Variants in CACNA1A observed in about 807,000 individuals in gnomAD.
CACNA1A encodes voltage-dependent P/Q-type calcium channel subunit alpha-1A.
A neutral mutation model predicts 262.4 loss-of-function variants in CACNA1A; 57 were observed. That is an observed-to-expected ratio of 0.22 (90% CI 0.18 to 0.27). The LOEUF is 0.27. Among genes scored for constraint, CACNA1A ranks in the 10% least tolerant of loss-of-function variants. The pLI, the probability that CACNA1A is intolerant of heterozygous loss-of-function variation, is 1.00. For synonymous variants in CACNA1A, 1,431 were observed against 1,419.3 expected (o/e 1.01, Z -0.18); for missense variants, 2,526 against 3,562.8 (o/e 0.71, Z 7.41).
chr19:13,360,676 C>T (rs2059093925), intron 5 of CACNA1A, among the ~76,000 whole-genome samples: 1 of 152,058 alleles, frequency 6.6e-6, no homozygotes, highest in Admixed American at 6.6e-5. Flanking sequence ...TGGGGTTTCA[C>T]CATGTTGGCC....
intron 3 of CACNA1A, among the ~76,000 whole-genome samples, chr19:13,397,131 GGAGGAATGAATGGTTCAT>G (rs1241258624): frequency 1.3e-5 from 2 of 152,108 alleles, no homozygotes; most frequent in African/African-American, 4.8e-5. Context: ...GTATGAGGTG[GGAGGAATGAATGGTTCAT>G]GAAAGCTGCC....
chr19:13,384,526 C>T (rs1163518143), intron 3 of CACNA1A, among the ~76,000 whole-genome samples: 3 of 152,132 alleles, frequency 2.0e-5, no homozygotes, highest in South Asian at 4.1e-4. Context: ...GGCAAAACTC[C>T]GTCTCTACCA....
Position 13,241,310 on chromosome 19 carries a change from C to G in CACNA1A, c.4950+3872G>C, listed in dbSNP as rs1304126384. Among the ~76,000 whole-genome samples the G allele has an allele frequency of 1.3e-5, 2 of 152,026 alleles. No individual in the cohort carries two copies. The highest frequency in any genetic ancestry group is 2.9e-5 in the Non-Finnish European group (2 of 68,012). Reference sequence around the variant, plus strand: ...CCAAACAGAAAACCCCCATTCAGAACCCGATAAAAACAGAGAGACAGAGTC... The same window carrying G: ...CCAAACAGAAAACCCCCATTCAGAAGCCGATAAAAACAGAGAGACAGAGTC... On this transcript the variant is annotated intron_variant, in intron 31 of 46. Transcript: ENST00000360228. This position sits in a 1 kb window ranked among gnomAD's most constrained non-coding sequence, Gnocchi z 4.0.
At position 13,212,601 on chromosome 19, in the gene CACNA1A, C is replaced by T. The variant is rs1427559370; in HGVS notation, c.6050+30G>A. The T allele has an allele frequency of 2.7e-6, 4 of 1,507,460 alleles. No homozygotes were observed. Among genetic ancestry groups the T allele is most frequent in the South Asian group, 2.6e-5 (2 of 76,096 alleles). 93.4% of individuals were successfully genotyped at this position (1,507,460 alleles called of 1,614,324 possible). A position where few individuals can be genotyped will look rare whatever the true frequency, so the allele number is the denominator to read the frequency against. ...ACGTGGGGACCACGGCACCCCCACA[C>T]TCCACCTCCCTGGCAGGGGTGACAC... is the stretch of plus-strand genomic sequence containing the variant. On this transcript the variant is annotated intron_variant, in intron 41 of 46. Coordinates refer to ENST00000360228, the MANE Select transcript of CACNA1A (RefSeq NM_001127222.2). The surrounding 1 kb of genome is among the most constrained non-coding windows in gnomAD (Gnocchi z 5.6).
rs115795958 is a variant in CACNA1A at position 13,236,185 on chromosome 19, C to T, written c.4951-455G>A. On this transcript the variant is annotated intron_variant, in intron 31 of 46. Transcript: ENST00000360228. The surrounding 1 kb of genome is among the most constrained non-coding windows in gnomAD (Gnocchi z 4.6). ...AAGCCGGTCAAGTTGCGGAATCTAT[C>T]ATACGTGTACGATGCACAAACACCA... Among the ~76,000 whole-genome samples, 657 of 149,872 alleles carry T rather than the reference C, an allele frequency of 4.4e-3. 3 individuals are homozygous for T. The highest frequency in any genetic ancestry group is 0.015 in the African/African-American group (625 of 40,604).
intron 28 of CACNA1A, among the ~76,000 whole-genome samples, chr19:13,255,678 C>CTCCTTCCT (rs1350428703): frequency 7.4e-6 from 1 of 135,926 alleles, no homozygotes; most frequent in Non-Finnish European, 1.6e-5. Context: ...CGCTCCCTCC[C>CTCCTTCCT]TCCTTCCTTC....
intron 10 of CACNA1A, among the ~76,000 whole-genome samples, chr19:13,323,206 C>G (rs1364329699): frequency 6.6e-6 from 1 of 152,178 alleles, no homozygotes; most frequent in Non-Finnish European, 1.5e-5. Flanking sequence ...TTGCAGTGAG[C>G]TGAGATCACA....
intron 3 of CACNA1A, among the ~76,000 whole-genome samples, chr19:13,374,800 G>A (rs1026341093): frequency 1.3e-5 from 2 of 152,062 alleles, no homozygotes; most frequent in African/African-American, 2.4e-5. Context: ...TCTGTGTGGG[G>A]GAGACTGAGA....
chr19:13,356,855 C>T (rs537089551), intron 6 of CACNA1A, among the ~76,000 whole-genome samples: 7 of 152,272 alleles, frequency 4.6e-5, no homozygotes, highest in Admixed American at 3.3e-4. Flanking sequence ...TTGGGCTGAC[C>T]CTTTGTCCAA....
At chr19:13,219,016 A>G (rs9797762) in intron 38 of CACNA1A, among the ~76,000 whole-genome samples, 145,210 of 151,266 alleles carry the variant, frequency 0.96, 69,713 homozygotes, top group African/African-American at 0.98. Flanking sequence ...TTACAGGCGT[A>G]AGCCACCATG....
rs547500668 is a variant in CACNA1A at position 13,413,553 on chromosome 19, C to T, written c.539+39323G>A. On this transcript the variant is annotated intron_variant, in intron 3 of 46. Transcript: ENST00000360228. ...TGCCACTGCACTCTGGCCTGAGTGACAGAGCAAGGTCCTGTCTTAAAAAAA... is the reference window on the plus strand; with the variant it reads ...TGCCACTGCACTCTGGCCTGAGTGATAGAGCAAGGTCCTGTCTTAAAAAAA... 7.0e-4 allele frequency among the ~76,000 whole-genome samples: 80 copies of T among 114,210 alleles called. 1 individual carries two copies. The highest frequency in any genetic ancestry group is 2.6e-3 in the African/African-American group (75 of 28,878). The allele number at this position is 114,210 out of a possible 152,430, so 74.9% of individuals were successfully genotyped here. A position where few individuals can be genotyped will look rare whatever the true frequency, so the allele number is the denominator to read the frequency against.
At chr19:13,333,572 T>A (rs1350004664) in intron 8 of CACNA1A, 2 of 152,472 alleles carry the variant, frequency 1.3e-5, no homozygotes, top group African/African-American at 4.8e-5. Flanking sequence ...GTAGCTGGGA[T>A]TACAGGCGTG....
At chr19:13,474,874 C>T (rs979418123) in intron 1 of CACNA1A, among the ~76,000 whole-genome samples, 4 of 151,454 alleles carry the variant, frequency 2.6e-5, no homozygotes, top group Non-Finnish European at 4.4e-5. Flanking sequence ...TTAGCAGACA[C>T]TAAGTGACCA....
chr19:13,432,103 C>CAAAAA (rs71170513), intron 3 of CACNA1A, among the ~76,000 whole-genome samples: 168 of 64,326 alleles, frequency 2.6e-3, no homozygotes, highest in Middle Eastern at 0.012. Context: ...GACTCCGTCT[C>CAAAAA]AAAAAAAAAA....
rs1326384015 is a variant in CACNA1A, at chr19:13,371,710, G to A, written c.609C>T (p.Leu203=). 6.3e-7 allele frequency: 1 copy of A among 1,578,686 alleles called. No individual in the cohort carries two copies. The highest frequency in any genetic ancestry group is 2.3e-5 in the East Asian group (1 of 42,916). The change falls in exon 4 of 47, where the codon CTC becomes CTT. Residue 203 remains leucine (L), a synonymous_variant. Transcript: ENST00000360228. ...CACTTGGGATTCCAGACACCAGCTT[G>A]AGCGGCCGCAGCACTCGAACTGCCC... ...TLRAVRVLRP[L]KLVSGIPSLQ...
chr19:13,283,534 C>G, intron 21 of CACNA1A, 138 bp from the exon 22 acceptor site: 1 of 1,129,404 alleles, frequency 8.9e-7, no homozygotes, highest in Non-Finnish European at 1.2e-6. Flanking sequence ...CTATTAAACT[C>G]CTCCAGGTGG....
chr19:13,236,018 A>C lies in CACNA1A; in HGVS notation c.4951-288T>G. The C allele has an allele frequency of 2.9e-6, 1 of 346,240 alleles. No individual in the cohort carries two copies. Among genetic ancestry groups the C allele is most frequent in the Non-Finnish European group, 5.2e-6 (1 of 192,296 alleles). 21.4% of individuals were successfully genotyped at this position (346,240 alleles called of 1,614,324 possible). A position where few individuals can be genotyped will look rare whatever the true frequency, so the allele number is the denominator to read the frequency against. Reference sequence around the variant, plus strand: ...CAATGGGGAAAAGAAAAGAAAAAGAAAGGAGGAAAAAGGAACGGGGATGGG... The same window carrying C: ...CAATGGGGAAAAGAAAAGAAAAAGACAGGAGGAAAAAGGAACGGGGATGGG... On this transcript the variant is annotated intron_variant, in intron 31 of 46. Transcript: ENST00000360228. The surrounding 1 kb of genome is among the most constrained non-coding windows in gnomAD (Gnocchi z 4.6).
At chr19:13,248,797 T>G (rs559626706) in intron 30 of CACNA1A, among the ~76,000 whole-genome samples, 2 of 150,926 alleles carry the variant, frequency 1.3e-5, no homozygotes, top group African/African-American at 4.9e-5. Context: ...GAGCCAAGAT[T>G]GCACCACTGC....
chr19:13,380,086 C>T (rs2059490519), intron 3 of CACNA1A, among the ~76,000 whole-genome samples: 1 of 134,422 alleles, frequency 7.4e-6, no homozygotes, highest in African/African-American at 2.8e-5. Flanking sequence ...GAGTTCGAGA[C>T]CAGCCTGGCC....
Sources: gnomAD v4.1 joint callset for allele counts (sites outside exome capture counted in the v4.1 genomes callset) on GRCh38, gnomAD v4.1.1 for gene constraint, Gnocchi (gnomAD v3.1) non-coding constraint, MANE v1.5 for transcripts, NCBI Gene and HGNC (gene_info 2026-07-23, HGNC 2026-07-21) for gene names.